Variants in SH3GL2 observed in about 807,000 individuals in gnomAD.
The protein encoded by SH3GL2 is SH3 domain containing GRB2 like 2, endophilin A1, also known as endophilin-A1.
In SH3GL2, 24 loss-of-function variants were observed where a neutral mutation model predicts 46.0. The ratio of observed to expected loss-of-function variants is 0.52; its 90% CI spans 0.38 to 0.73. SH3GL2 has a LOEUF of 0.73. Ranked by LOEUF, SH3GL2 falls within the 30% of genes least tolerant of loss-of-function variation. The pLI is 0.00. For missense variants in SH3GL2, 413 were observed against 424.2 expected, an observed-to-expected ratio of 0.97 and a Z score of 0.23; for synonymous variants, 196 against 147.1, an observed-to-expected ratio of 1.33 and a Z score of -2.40.
rs552033839 is a variant in SH3GL2, at chr9:17,653,820, A to G, written c.45+74533A>G. The stretch of plus-strand genomic sequence containing the variant: ...TGAATTGGGCTAGTCTTATCAAAGA[A>G]GAAGACAGATACTGCCTTGGTGAAC... On this transcript the variant is annotated intron_variant, in intron 1 of 8. Transcript: ENST00000380607. The G allele has an allele frequency of 7.3e-6, 7 of 953,838 alleles. No homozygotes were observed. The African/African-American group carries it at 1.2e-4, about 17-fold the overall frequency. 59.1% of individuals were successfully genotyped at this position (953,838 alleles called of 1,614,324 possible).
chr9:17,634,980 G>A (rs568420165), intron 1 of SH3GL2, among the ~76,000 whole-genome samples: 3 of 150,828 alleles, frequency 2.0e-5, no homozygotes, highest in Non-Finnish European at 4.4e-5. Context: ...CCTTTTGTTT[G>A]TTTTTAATTT....
intron 3 of SH3GL2, among the ~76,000 whole-genome samples, chr9:17,761,919 C>T (rs1050104487): frequency 2.0e-5 from 3 of 152,118 alleles, no homozygotes; most frequent in African/African-American, 7.2e-5. Flanking sequence ...TCATGAAACA[C>T]AGAGGGTTTC....
chr9:17,752,399 T>A (rs1329893347), intron 2 of SH3GL2, among the ~76,000 whole-genome samples: 5 of 152,188 alleles, frequency 3.3e-5, no homozygotes, highest in Admixed American at 3.3e-4. Flanking sequence ...ATATTTTAGT[T>A]TTTCATATGC....
At chr9:17,580,699 T>C (rs1446932671) in intron 1 of SH3GL2, among the ~76,000 whole-genome samples, 1 of 152,254 alleles carries the variant, frequency 6.6e-6, no homozygotes, top group Non-Finnish European at 1.5e-5. Context: ...CTAATAACTT[T>C]ATACTGCAAG....
intron 7 of SH3GL2, 73 bp from the exon 8 acceptor site, chr9:17,793,294 T>A: frequency 7.3e-7 from 1 of 1,365,684 alleles, no homozygotes; most frequent in Non-Finnish European, 1.0e-6. Flanking sequence ...ATTTCCTGAA[T>A]CTTTATATTT....
At chr9:17,757,841 A>C (rs924539113) in intron 2 of SH3GL2, among the ~76,000 whole-genome samples, 1 of 152,190 alleles carries the variant, frequency 6.6e-6, no homozygotes, top group East Asian at 1.9e-4. Context: ...ATGTACTTGG[A>C]TATTACCAGC....
intron 1 of SH3GL2, among the ~76,000 whole-genome samples, chr9:17,671,802 A>G (rs1272346664): frequency 1.3e-5 from 2 of 152,236 alleles, no homozygotes; most frequent in East Asian, 1.9e-4. Flanking sequence ...TGGCCTTTAT[A>G]ACTGATAATG....
At chr9:17,685,156 T>A (rs1353650619) in intron 1 of SH3GL2, among the ~76,000 whole-genome samples, 1 of 151,980 alleles carries the variant, frequency 6.6e-6, no homozygotes, top group Non-Finnish European at 1.5e-5. Context: ...TGGGTATATG[T>A]ATATTTATGA....
At chr9:17,689,550 C>G (rs1489311853) in intron 1 of SH3GL2, among the ~76,000 whole-genome samples, 1 of 151,920 alleles carries the variant, frequency 6.6e-6, no homozygotes, top group Non-Finnish European at 1.5e-5. Flanking sequence ...CCTACAAGGC[C>G]CCATGTGATT....
intron 2 of SH3GL2, among the ~76,000 whole-genome samples, chr9:17,756,780 A>G (rs1251355141): frequency 6.6e-6 from 1 of 152,066 alleles, no homozygotes; most frequent in Non-Finnish European, 1.5e-5. Context: ...GTGCCGCAAT[A>G]AACATACGTG....
chr9:17,631,587 G>A (rs1397234515), intron 1 of SH3GL2, among the ~76,000 whole-genome samples: 3 of 152,182 alleles, frequency 2.0e-5, no homozygotes, highest in Non-Finnish European at 2.9e-5. Flanking sequence ...GTTCACATCA[G>A]CTGGGCTGTA....
intron 1 of SH3GL2, among the ~76,000 whole-genome samples, chr9:17,616,359 A>G (rs117336135): frequency 0.021 from 3,238 of 152,338 alleles, 55 homozygotes; most frequent in Non-Finnish European, 0.034. Flanking sequence ...AAAACATAAT[A>G]TATGGGTATA....
chr9:17,714,956 C>G (rs1412662984), intron 1 of SH3GL2, among the ~76,000 whole-genome samples: 1 of 151,502 alleles, frequency 6.6e-6, no homozygotes, highest in Non-Finnish European at 1.5e-5. Context: ...GAAAGTAAGT[C>G]TTTATGTTGC....
At chr9:17,731,191 C>A (rs1446680900) in intron 1 of SH3GL2, among the ~76,000 whole-genome samples, 1 of 151,990 alleles carries the variant, frequency 6.6e-6, no homozygotes, top group Non-Finnish European at 1.5e-5. Context: ...ATATCTAGAG[C>A]GATGTTTTAA....
intron 1 of SH3GL2, among the ~76,000 whole-genome samples, chr9:17,710,854 T>TC (rs2118267995): frequency 6.6e-6 from 1 of 151,978 alleles, no homozygotes; most frequent in South Asian, 2.1e-4. Context: ...TGTTCCAAAA[T>TC]CCCCAATGTA....
At chr9:17,735,514 AT>A (rs145002118) in intron 1 of SH3GL2, among the ~76,000 whole-genome samples, 10,583 of 151,134 alleles carry the variant, frequency 0.07, 471 homozygotes, top group Admixed American at 0.13. Context: ...TTATACATGA[AT>A]TTTTTTTTTC....
chr9:17,702,864 T>C (rs990820192), intron 1 of SH3GL2, among the ~76,000 whole-genome samples: 10 of 152,122 alleles, frequency 6.6e-5, no homozygotes, highest in African/African-American at 9.7e-5. Context: ...AATTTAGACA[T>C]GCTTCCCCCT....
chr9:17,628,279 CATGCCTTCTATCTAA>C (rs1320207426), intron 1 of SH3GL2, among the ~76,000 whole-genome samples: 7 of 152,192 alleles, frequency 4.6e-5, no homozygotes, highest in Admixed American at 2.6e-4. Context: ...CTTCTGTATA[CATGCCTTCTATCTAA>C]ATACAATCTT....
At chr9:17,636,443 A>G (rs10963172) in intron 1 of SH3GL2, among the ~76,000 whole-genome samples, 4,125 of 152,274 alleles carry the variant, frequency 0.027, 73 homozygotes, top group Middle Eastern at 0.058. Context: ...ACCTTATGAT[A>G]TATAACAGCA....
Sources: gnomAD v4.1 joint callset for allele counts (sites outside exome capture counted in the v4.1 genomes callset) on GRCh38, gnomAD v4.1.1 for gene constraint, MANE v1.5 for transcripts, NCBI Gene and HGNC (gene_info 2026-07-23, HGNC 2026-07-21) for gene names.